The following ZNF804B variants were observed in gnomAD, a reference collection of about 807,000 sequenced individuals.
ZNF804B encodes the protein zinc finger protein 804B, also known as zinc finger 804B.
Under a neutral mutation model 101.4 loss-of-function variants are expected in ZNF804B, and 80 were observed. The ratio of observed to expected loss-of-function variants is 0.79; its 90% CI spans 0.66 to 0.95. The LOEUF (loss-of-function observed/expected upper bound fraction) is 0.95, where lower values mean the gene tolerates loss of function less well. Among genes scored for constraint, ZNF804B ranks in the 40% least tolerant of loss-of-function variants. The probability of loss-of-function intolerance (pLI) is 0.00; values close to 1 mark genes in which losing one functional copy is unlikely to be tolerated. For synonymous variants in ZNF804B, 622 were observed against 558.8 expected (o/e 1.11, Z -1.59); for missense variants, 1,673 against 1,561.9 (o/e 1.07, Z -1.20).
intron 1 of ZNF804B, among the ~76,000 whole-genome samples, chr7:89,214,770 A>T (rs915834886): frequency 1.3e-5 from 2 of 152,172 alleles, no homozygotes; most frequent in African/African-American, 4.8e-5. Context: ...CTGTAAACTA[A>T]TGAGTGTAAG....
rs552227122 is a variant in ZNF804B, at chr7:88,972,470, G to T, written c.108+212386G>T. On this transcript the variant is annotated intron_variant, in intron 1 of 3. Coordinates refer to ENST00000333190, the MANE Select transcript of ZNF804B (RefSeq NM_181646.5). Reference sequence around the variant, plus strand: ...TTTATTCAGTCTTTTTCCCTGCCAGGTTCCAACATAATGTGTCCTAGGTGT... The same window carrying T: ...TTTATTCAGTCTTTTTCCCTGCCAGTTTCCAACATAATGTGTCCTAGGTGT... Among the ~76,000 whole-genome samples the T allele has an allele frequency of 2.0e-5, 3 of 151,240 alleles. No individual in the cohort carries two copies. In the South Asian group the frequency reaches 6.2e-4, roughly 31 times the overall value.
chr7:89,264,935 A>G (rs1789762682), intron 2 of ZNF804B, among the ~76,000 whole-genome samples: 2 of 152,226 alleles, frequency 1.3e-5, no homozygotes, highest in Admixed American at 1.3e-4. Context: ...AACAACTGAA[A>G]CAGAATATTG....
chr7:88,803,188 C>T (rs1274069783), intron 1 of ZNF804B, among the ~76,000 whole-genome samples: 3 of 151,816 alleles, frequency 2.0e-5, no homozygotes, highest in South Asian at 4.1e-4. Context: ...AAGGCTATTG[C>T]AATGGTTTGG....
intron 1 of ZNF804B, among the ~76,000 whole-genome samples, chr7:88,912,901 T>C (rs923501010): frequency 2.6e-5 from 4 of 152,122 alleles, no homozygotes; most frequent in Non-Finnish European, 5.9e-5. Context: ...CTAATAGGAG[T>C]GTTACATGGA....
In ZNF804B at chr7:89,171,288, GCTTCTTCTTCTTCTTCTT is replaced by G. The variant is rs1203060273; in HGVS notation, c.109-46814_109-46797del. 1.4e-3 allele frequency among the ~76,000 whole-genome samples: 114 copies of G among 82,544 alleles called. 1 individual carries two copies. The highest frequency in any genetic ancestry group is 0.011 in the East Asian group (40 of 3,646). 54.2% of individuals were successfully genotyped at this position (82,544 alleles called of 152,430 possible). Reference sequence around the variant, plus strand: ...AGTAGGCACAAATAATGCTGCTGCTGCTTCTTCTTCTTCTTCTTCTTCTTCTTCTTCTTCTTCTTCTTC... The same window carrying G: ...AGTAGGCACAAATAATGCTGCTGCTGCTTCTTCTTCTTCTTCTTCTTCTTC... On this transcript the variant is annotated intron_variant, in intron 1 of 3. Transcript: ENST00000333190.
intron 1 of ZNF804B, among the ~76,000 whole-genome samples, chr7:89,054,139 A>T (rs914282957): frequency 2.0e-5 from 3 of 151,934 alleles, no homozygotes; most frequent in African/African-American, 7.2e-5. Context: ...TTTGATAGGT[A>T]GAAGTTCATA....
chr7:89,235,791 A>G (rs933214784), intron 2 of ZNF804B, among the ~76,000 whole-genome samples: 2 of 151,900 alleles, frequency 1.3e-5, no homozygotes, highest in Non-Finnish European at 2.9e-5. Flanking sequence ...GTAACAATTG[A>G]CTAAACTGAA....
chr7:88,882,277 C>T (rs1017044962), intron 1 of ZNF804B, among the ~76,000 whole-genome samples: 2 of 152,120 alleles, frequency 1.3e-5, no homozygotes, highest in African/African-American at 2.4e-5. Context: ...AAAAAATGCT[C>T]AACGTCAGTA....
chr7:89,116,323 A>G (rs749253652), intron 1 of ZNF804B, among the ~76,000 whole-genome samples: 3 of 152,200 alleles, frequency 2.0e-5, no homozygotes, highest in Non-Finnish European at 2.9e-5. Flanking sequence ...AGGTATGGCT[A>G]TTAAAACACA....
At chr7:88,865,730 G>T (rs1374601355) in intron 1 of ZNF804B, among the ~76,000 whole-genome samples, 1 of 152,050 alleles carries the variant, frequency 6.6e-6, no homozygotes, top group African/African-American at 2.4e-5. Flanking sequence ...TACATCTGCT[G>T]TGCTCTTATA....
intron 1 of ZNF804B, among the ~76,000 whole-genome samples, chr7:88,975,349 C>T (rs767548236): frequency 1.3e-4 from 19 of 151,242 alleles, no homozygotes; most frequent in Non-Finnish European, 2.7e-4. Flanking sequence ...TTTGAGGAAC[C>T]TTCATTCCAT....
intron 1 of ZNF804B, among the ~76,000 whole-genome samples, chr7:88,887,930 G>A (rs1435323979): frequency 2.0e-5 from 3 of 152,008 alleles, no homozygotes; most frequent in African/African-American, 7.3e-5. Context: ...ATATATATCT[G>A]AGAATTGCTA....
intron 2 of ZNF804B, among the ~76,000 whole-genome samples, chr7:89,223,181 T>C (rs1474013998): frequency 1.3e-5 from 2 of 151,950 alleles, no homozygotes; most frequent in East Asian, 3.9e-4. Context: ...TTACTTTCCA[T>C]GTAGATTCAG....
chr7:89,284,163 A>G (rs188801301), intron 2 of ZNF804B, among the ~76,000 whole-genome samples: 1 of 152,332 alleles, frequency 6.6e-6, no homozygotes, highest in East Asian at 1.9e-4. Flanking sequence ...AGTACATACT[A>G]TATTGCTGTA....
chr7:88,968,904 C>T (rs1464595031), intron 1 of ZNF804B, among the ~76,000 whole-genome samples: 1 of 151,520 alleles, frequency 6.6e-6, no homozygotes, highest in Non-Finnish European at 1.5e-5. Flanking sequence ...ATCTTTTCTA[C>T]ATATATGTTT....
intron 1 of ZNF804B, among the ~76,000 whole-genome samples, chr7:88,781,827 C>T (rs1468336868): frequency 1.3e-5 from 2 of 151,942 alleles, no homozygotes; most frequent in Non-Finnish European, 2.9e-5. Flanking sequence ...GTTACTCAGG[C>T]TCTTATTAGC....
intron 1 of ZNF804B, among the ~76,000 whole-genome samples, chr7:88,850,012 C>A (rs1791430030): frequency 6.6e-6 from 1 of 151,962 alleles, no homozygotes; most frequent in Non-Finnish European, 1.5e-5. Context: ...CTTTTTTCCA[C>A]AAGCCCAGGA....
At chr7:89,223,206 T>G (rs1197307638) in intron 2 of ZNF804B, among the ~76,000 whole-genome samples, 2 of 151,944 alleles carry the variant, frequency 1.3e-5, no homozygotes, top group Non-Finnish European at 2.9e-5. Flanking sequence ...ACTAGCTGGC[T>G]TCTTCTGTTG....
Position 89,059,416 on chromosome 7 carries a change from G to A in ZNF804B, c.109-158739G>A, listed in dbSNP as rs190502794. On this transcript the variant is annotated intron_variant, in intron 1 of 3. Transcript: ENST00000333190. ...GGTGGGAGGCAAAAGGATAGTAGGC[G>A]TGTCACATGGCAAGAGTAGAAGCCA... Among the ~76,000 whole-genome samples the A allele has an allele frequency of 1.2e-3, 190 of 152,230 alleles. 1 individual carries two copies. The highest frequency in any genetic ancestry group is 4.3e-3 in the African/African-American group (179 of 41,560).
Sources: allele counts gnomAD v4.1 joint callset (sites outside exome capture counted in the v4.1 genomes callset), GRCh38; gene constraint gnomAD v4.1.1; transcripts MANE v1.5; gene names NCBI Gene and HGNC (gene_info 2026-07-23, HGNC 2026-07-21).